Variants in ITGB5 observed in about 807,000 individuals in gnomAD.
ITGB5 encodes the protein integrin beta-5.
A neutral mutation model predicts 84.8 loss-of-function variants in ITGB5; 38 were observed. That is an observed-to-expected ratio of 0.45 (90% CI 0.35 to 0.59). The LOEUF is 0.59. Ranked by LOEUF, ITGB5 falls within the 20% of genes least tolerant of loss-of-function variation. The probability of loss-of-function intolerance (pLI) is 0.01; values close to 1 mark genes in which losing one functional copy is unlikely to be tolerated. For missense variants in ITGB5, 905 were observed against 1,034.5 expected, an observed-to-expected ratio of 0.87 and a Z score of 1.72; for synonymous variants, 393 against 414.4, an observed-to-expected ratio of 0.95 and a Z score of 0.63.
At position 124,764,475 on chromosome 3, in the gene ITGB5, A is replaced by T; in HGVS notation, c.2220T>A (p.Ala740=). ...GGATGGTGACAAGCAGCTTCCAGAT[A>T]GCCAGGAGTGCAAGCCCAACAAGGA... ...SILLVGLALL[A]IWKLLVTIHD... The change falls in exon 14 of 15, where the codon GCT becomes GCA. Residue 740 remains alanine (A), a synonymous_variant. Transcript: ENST00000296181. 6.2e-7 allele frequency: 1 copy of T among 1,614,112 alleles called. No homozygotes were observed. Among genetic ancestry groups the T allele is most frequent in the Non-Finnish European group, 8.5e-7 (1 of 1,180,006 alleles).
In ITGB5 at chr3:124,809,174, A is replaced by G. The variant is rs768802364; in HGVS notation, c.1129-18T>C. 6.2e-7 allele frequency: 1 copy of G among 1,613,598 alleles called. No homozygotes were observed. The highest frequency in any genetic ancestry group is 8.5e-7 in the Non-Finnish European group (1 of 1,179,808). ...CGGATACTCTGAATGGAGAGAGAAA[A>G]TGAAGCCCAACCATTTAATAAAGGC... On this transcript the variant is annotated intron_variant, in intron 8 of 14. Coordinates refer to ENST00000296181, the MANE Select transcript of ITGB5 (RefSeq NM_002213.5).
chr3:124,765,944 A>G (rs1163594195), intron 13 of ITGB5, among the ~76,000 whole-genome samples: 2 of 151,816 alleles, frequency 1.3e-5, no homozygotes, highest in Admixed American at 1.3e-4. Flanking sequence ...CTGTAGTGCC[A>G]GCTGCTCGGG....
intron 5 of ITGB5, among the ~76,000 whole-genome samples, chr3:124,827,899 A>AC (rs1473990229): frequency 7.2e-6 from 1 of 138,102 alleles, no homozygotes; most frequent in Non-Finnish European, 1.6e-5. Flanking sequence ...GCACCTTGTG[A>AC]CCCCCACCCC....
intron 1 of ITGB5, among the ~76,000 whole-genome samples, chr3:124,900,027 C>G (rs1039010713): frequency 1.3e-5 from 2 of 152,090 alleles, no homozygotes; most frequent in Non-Finnish European, 2.9e-5. Flanking sequence ...CCTGAGAGCT[C>G]CAGGACGATG....
chr3:124,894,210 GC>G (rs1935056690), intron 1 of ITGB5, among the ~76,000 whole-genome samples: 1 of 133,020 alleles, frequency 7.5e-6, no homozygotes, highest in South Asian at 2.3e-4. Context: ...TCGGCTCACT[GC>G]AAGCTCCGCC....
intron 3 of ITGB5, among the ~76,000 whole-genome samples, chr3:124,850,336 C>T (rs532474391): frequency 6.6e-6 from 1 of 152,060 alleles, no homozygotes; most frequent in African/African-American, 2.4e-5. Context: ...TCAATTAAGC[C>T]TATGATGCGC....
At chr3:124,895,213 C>T (rs571253933) in intron 1 of ITGB5, among the ~76,000 whole-genome samples, 7 of 152,270 alleles carry the variant, frequency 4.6e-5, no homozygotes, top group African/African-American at 1.7e-4. Context: ...TCAGCCACCT[C>T]GGCACCACTT....
chr3:124,834,517 A>AAGGGAGGGAGGGAGAGGAGGGGAGGAG (rs2064902017), intron 5 of ITGB5, among the ~76,000 whole-genome samples: 1 of 94,432 alleles, frequency 1.1e-5, no homozygotes, highest in South Asian at 5.3e-4. Flanking sequence ...GAGGGAAGGA[A>AAGGGAGGGAGGGAGAGGAGGGGAGGAG]GGAGGGAGGC....
At chr3:124,889,741 C>T (rs557015508), upstream of ITGB5, among the ~76,000 whole-genome samples, 187 of 152,256 alleles carry the variant, frequency 1.2e-3, no homozygotes, top group Non-Finnish European at 2.4e-3. Flanking sequence ...GGGGCCAGCG[C>T]GTTGGCTCAT....
chr3:124,835,152 C>A lies in ITGB5; in HGVS notation c.780+6231G>T, dbSNP rs1305260703. Among the ~76,000 whole-genome samples, 56 of 152,120 alleles carry A rather than the reference C, an allele frequency of 3.7e-4. 2 individuals carry two copies. Among genetic ancestry groups the A allele is most frequent in the Admixed American group, 3.6e-3 (55 of 15,266 alleles). On this transcript the variant is annotated intron_variant, in intron 5 of 14. Coordinates refer to ENST00000296181, the MANE Select transcript of ITGB5 (RefSeq NM_002213.5). ...GTTTACACTAGAGGGCAAAAAGAAACGCAAACTCTCCCACGTGCCCTGTTC... is the reference window on the plus strand; with the variant it reads ...GTTTACACTAGAGGGCAAAAAGAAAAGCAAACTCTCCCACGTGCCCTGTTC...
chr3:124,873,323 G>C, intron 2 of ITGB5, 123 bp downstream of exon 2: 1 of 757,846 alleles, frequency 1.3e-6, no homozygotes, highest in East Asian at 2.5e-5. Flanking sequence ...GGAAGAGGCA[G>C]CTTACAGAAT....
At chr3:124,847,827 G>GA (rs199598182) in intron 4 of ITGB5, among the ~76,000 whole-genome samples, 29 of 150,968 alleles carry the variant, frequency 1.9e-4, no homozygotes, top group African/African-American at 5.3e-4. Flanking sequence ...TGTTTATGTT[G>GA]AAAAAAAAAT....
chr3:124,770,680 A>G (rs2063829081), intron 11 of ITGB5, among the ~76,000 whole-genome samples: 1 of 152,142 alleles, frequency 6.6e-6, no homozygotes, highest in African/African-American at 2.4e-5. Context: ...GCTTCCTAAG[A>G]GGTTCTAACA....
chr3:124,808,121 T>C (rs2064439044), intron 9 of ITGB5, among the ~76,000 whole-genome samples: 1 of 152,100 alleles, frequency 6.6e-6, no homozygotes, highest in Non-Finnish European at 1.5e-5. Context: ...GCAAGCTCTT[T>C]CCCTGAAGCC....
intron 1 of ITGB5, among the ~76,000 whole-genome samples, chr3:124,881,004 T>C (rs909555065): frequency 2.0e-5 from 3 of 151,838 alleles, no homozygotes; most frequent in African/African-American, 7.3e-5. Flanking sequence ...GTTTGTTTGT[T>C]TGAGACAGAG....
chr3:124,888,727 T>C (rs762299740), upstream of ITGB5, among the ~76,000 whole-genome samples: 1 of 152,112 alleles, frequency 6.6e-6, no homozygotes, highest in Non-Finnish European at 1.5e-5. Flanking sequence ...TGGCTAAAAC[T>C]GAAGCAGTAA....
chr3:124,817,624 G>A lies in ITGB5; in HGVS notation c.1125C>T (p.Tyr375=), dbSNP rs2064625245. 2 of 1,502,092 alleles carry A rather than the reference G, an allele frequency of 1.3e-6. No homozygotes were observed. Among genetic ancestry groups the A allele is most frequent in the Non-Finnish European group, 9.1e-7 (1 of 1,093,088 alleles). The allele number at this position is 1,502,092 out of a possible 1,614,324, so 93.0% of individuals were successfully genotyped here. ...GGGGAAGAAACTGATGACTTACATT[G>A]TATGCATTAATAATCAGTTGAATAA... The part of the protein sequence containing the change: ...KNIIQLIINA[Y]NSIRSKVELS... Residue 375 remains tyrosine, a synonymous_variant, in exon 8 of 15, where the codon TAC becomes TAT. Transcript: ENST00000296181.
chr3:124,840,348 T>G (rs1220330854), intron 5 of ITGB5, among the ~76,000 whole-genome samples: 1 of 152,166 alleles, frequency 6.6e-6, no homozygotes, highest in Non-Finnish European at 1.5e-5. Context: ...ATGACCACTT[T>G]GAAAAAATAT....
intron 12 of ITGB5, among the ~76,000 whole-genome samples, chr3:124,767,801 G>A (rs1342310381): frequency 6.6e-6 from 1 of 152,242 alleles, no homozygotes; most frequent in Non-Finnish European, 1.5e-5. Context: ...GCTGGGCATG[G>A]TGGCTCACAC....
Sources: gnomAD v4.1 joint callset for allele counts (sites outside exome capture counted in the v4.1 genomes callset) on GRCh38, gnomAD v4.1.1 for gene constraint, MANE v1.5 for transcripts, NCBI Gene and HGNC (gene_info 2026-07-23, HGNC 2026-07-21) for gene names.